The following NR4A1 variants were observed in gnomAD, a reference collection of about 807,000 sequenced individuals.
The protein encoded by NR4A1 is nuclear receptor subfamily 4 group A member 1.
A neutral mutation model predicts 47.5 loss-of-function variants in NR4A1; 24 were observed. The ratio of observed to expected loss-of-function variants is 0.50; its 90% CI spans 0.37 to 0.71. The LOEUF (loss-of-function observed/expected upper bound fraction) is 0.71, where lower values mean the gene tolerates loss of function less well. Ranked by LOEUF, NR4A1 falls within the 30% of genes least tolerant of loss-of-function variation. NR4A1 has a pLI of 0.00. For missense variants in NR4A1, 669 were observed against 788.6 expected (o/e 0.85, Z 1.82); for synonymous variants, 353 against 345.7 (o/e 1.02, Z -0.24).
intron 1 of NR4A1, among the ~76,000 whole-genome samples, chr12:52,039,903 T>A (rs1212514677): frequency 1.3e-5 from 2 of 152,140 alleles, no homozygotes; most frequent in Non-Finnish European, 2.9e-5. Context: ...GCAGAGGCCC[T>A]GAGTGGGGAG....
intron 1 of NR4A1, chr12:52,052,568 G>A (rs1212511543): frequency 2.0e-6 from 2 of 985,580 alleles, no homozygotes; most frequent in Non-Finnish European, 2.4e-6. Flanking sequence ...GCCTGAAGCC[G>A]GATTCTCCCC....
At chr12:52,049,169 G>C (rs1938795250), upstream of NR4A1, among the ~76,000 whole-genome samples, 1 of 152,174 alleles carries the variant, frequency 6.6e-6, no homozygotes, top group Admixed American at 6.5e-5. Flanking sequence ...ACCCCAACTT[G>C]TACTGCGAAT....
chr12:52,031,944 C>CCG, intron 1 of NR4A1, among the ~76,000 whole-genome samples: 1 of 151,874 alleles, frequency 6.6e-6, no homozygotes, highest in Non-Finnish European at 1.5e-5. Context: ...TTACAGGTGC[C>CCG]CGCCACCACG....
intron 2 of NR4A1, chr12:52,055,759 G>A: frequency 2.9e-6 from 1 of 348,964 alleles, no homozygotes; most frequent in Non-Finnish European, 5.1e-6. Context: ...AAATACAGGT[G>A]TCTAGACTGC....
chr12:52,030,131 G>A (rs142744521), intron 1 of NR4A1, among the ~76,000 whole-genome samples: 2 of 152,350 alleles, frequency 1.3e-5, no homozygotes, highest in African/African-American at 4.8e-5. Context: ...GGTCTTCAGG[G>A]AATGCTGCTG....
At chr12:52,037,568 G>C (rs566016622) in intron 1 of NR4A1, 91 of 982,820 alleles carry the variant, frequency 9.3e-5, no homozygotes, top group African/African-American at 8.9e-4. Context: ...TGGGGAGTCG[G>C]GGGGGGGACT....
rs61751044 is a variant in NR4A1 at position 52,057,097 on chromosome 12, C to T, written c.1199C>T (p.Ala400Val). The change falls in exon 5 of 7, where the codon GCT (alanine) becomes GTT (valine). Residue 400 changes from alanine (A) to valine (V), a missense_variant. Transcript: ENST00000394825. ...LVLPHFGKED[A>V]GDVQQFYDLL... is the part of the protein sequence containing the mutation. The stretch of plus-strand genomic sequence containing the variant: ...CTGCCCCACTTTGGGAAGGAAGATG[C>T]TGGGGATGTACAGCAGTTCTACGAC... 4.8e-5 allele frequency: 77 copies of T among 1,611,630 alleles called. No homozygotes were observed. The highest frequency in any genetic ancestry group is 2.4e-4 in the South Asian group (22 of 90,444).
At chr12:52,055,322 G>A (rs1427637452) in intron 2 of NR4A1, 118 bp downstream of exon 2, 3 of 1,397,240 alleles carry the variant, frequency 2.1e-6, no homozygotes, top group South Asian at 1.3e-5. Flanking sequence ...GTCCTGCAGG[G>A]TGGGATCAGC....
chr12:52,051,468 T>G lies in NR4A1; in HGVS notation c.-103T>G. On this transcript the variant is annotated 5_prime_UTR_variant, in exon 1 of 7. Transcript: ENST00000394825. ...GTCCCAGTGGCGGAGGCTACGAAAC[T>G]TGGGGGAGTGCACAGAAGAACTTCG... The G allele has an allele frequency of 2.0e-6, 2 of 985,356 alleles. No homozygotes were observed. Among genetic ancestry groups the G allele is most frequent in the Non-Finnish European group, 2.4e-6 (2 of 829,996 alleles). The allele number at this position is 985,356 out of a possible 1,614,324, so 61.0% of individuals were successfully genotyped here.
chr12:52,024,138 A>C (rs1001354709), intron 1 of NR4A1, among the ~76,000 whole-genome samples: 1 of 152,200 alleles, frequency 6.6e-6, no homozygotes, highest in Admixed American at 6.5e-5. Flanking sequence ...GTAACCGCGA[A>C]GGAGCCTGTG....
upstream of NR4A1, among the ~76,000 whole-genome samples, chr12:52,049,433 G>A (rs1479358839): frequency 6.6e-6 from 1 of 152,194 alleles, no homozygotes; most frequent in Non-Finnish European, 1.5e-5. Context: ...GGGAAAGGAG[G>A]AGTGGTCACT....
chr12:52,030,086 G>A (rs2120919654), intron 1 of NR4A1, among the ~76,000 whole-genome samples: 1 of 152,328 alleles, frequency 6.6e-6, no homozygotes, highest in South Asian at 2.1e-4. Context: ...GCACACAAAG[G>A]CACAAAGACA....
In NR4A1 at chr12:52,058,801, C is replaced by T. The variant is rs1486785012; in HGVS notation, c.1654C>T (p.Leu552=). The T allele has an allele frequency of 1.2e-6, 2 of 1,613,430 alleles. No homozygotes were observed. The highest frequency in any genetic ancestry group is 2.2e-5 in the South Asian group (2 of 91,074). Residue 552 remains leucine, a synonymous_variant, in exon 7 of 7, where the codon CTG becomes TTG. Transcript: ENST00000394825. ...GGGCGAGCCCCAGCCAGCCAGCTGC[C>T]TGTCACGTCTGTTGGGCAAACTGCC... ...VAGEPQPASC[L]SRLLGKLPEL...
intron 1 of NR4A1, among the ~76,000 whole-genome samples, chr12:52,029,379 G>A (rs1386011347): frequency 1.3e-5 from 2 of 152,218 alleles, no homozygotes; most frequent in African/African-American, 2.4e-5. Flanking sequence ...AGGCACAGGG[G>A]AAACAGGCCC....
rs770354307 is a variant in NR4A1 at position 52,054,905 on chromosome 12, A to G, written c.577A>G (p.Ser193Gly). The change falls in exon 2 of 7, where the codon AGT becomes GGT. Residue 193 changes from serine (S) to glycine (G), a missense_variant. Transcript: ENST00000394825. ...ACAGCCTCCAGCCTTCTTTTCCTTC[A>G]GTCCTCCCACCGGCCCCAGCCCCAG... ...PPQPPAFFSFSPPTGPSPSLA... is the reference protein window; with the variant it reads ...PPQPPAFFSFGPPTGPSPSLA... 6.2e-7 allele frequency: 1 copy of G among 1,614,098 alleles called. No homozygotes were observed. Among genetic ancestry groups the G allele is most frequent in the East Asian group, 2.2e-5 (1 of 44,876 alleles).
At position 52,056,189 on chromosome 12, in the gene NR4A1, C is replaced by T. The variant is rs567483459; in HGVS notation, c.1006+30C>T. The T allele has an allele frequency of 2.5e-6, 4 of 1,572,156 alleles. No individual in the cohort carries two copies. In the South Asian group the frequency reaches 3.6e-5, roughly 14 times the overall value. On this transcript the variant is annotated intron_variant, in intron 3 of 6. Transcript: ENST00000394825. ...GTGGCTGGGGTGCGGCCCAGCGGGG[C>T]AAGGGTAGGCTTGAGTGGAGTGGGA...
At chr12:52,036,805 C>T (rs1044758006) in intron 1 of NR4A1, among the ~76,000 whole-genome samples, 1 of 150,808 alleles carries the variant, frequency 6.6e-6, no homozygotes, top group African/African-American at 2.5e-5. Flanking sequence ...ATCGCTGTGA[C>T]TTTGGACCGC....
chr12:52,033,304 A>G (rs968241314), intron 1 of NR4A1, among the ~76,000 whole-genome samples: 7 of 152,172 alleles, frequency 4.6e-5, no homozygotes, highest in African/African-American at 1.7e-4. Flanking sequence ...CGACGCGGAG[A>G]AAAATCTGGA....
chr12:52,037,791 A>G, intron 1 of NR4A1: 4 of 985,410 alleles, frequency 4.1e-6, no homozygotes, highest in Non-Finnish European at 4.8e-6. Flanking sequence ...GGAGGGACCG[A>G]TGCTGCGTGA....
Sources: gnomAD v4.1 joint callset for allele counts (sites outside exome capture counted in the v4.1 genomes callset) on GRCh38, gnomAD v4.1.1 for gene constraint, MANE v1.5 for transcripts, NCBI Gene and HGNC (gene_info 2026-07-23, HGNC 2026-07-21) for gene names.